Variants in KLRD1 observed in about 807,000 individuals in gnomAD.
KLRD1 encodes natural killer cells antigen CD94.
A neutral mutation model predicts 22.6 loss-of-function variants in KLRD1; 21 were observed. That is an observed-to-expected ratio of 0.93 (90% CI 0.66 to 1.34). The LOEUF is 1.34. Among genes scored for constraint, KLRD1 ranks in the 40% most tolerant of loss-of-function variants. The pLI is 0.00. For synonymous variants in KLRD1, 59 were observed against 71.1 expected (o/e 0.83, Z 0.85); for missense variants, 183 against 208.6 (o/e 0.88, Z 0.76).
rs957313671 is a variant in KLRD1, at chr12:10,327,275, A to G, written c.*12482A>G. On this transcript the variant is annotated 3_prime_UTR_variant, in exon 6 of 6. Coordinates refer to ENST00000336164, the MANE Select transcript of KLRD1 (RefSeq NM_002262.5). ...ATATGTTCATCTTTATGCCAGTGCC[A>G]TATTGTTTCAATTATTGTAGCTTTG... The G allele has an allele frequency of 6.6e-6, 1 of 152,192 alleles. No individual in the cohort carries two copies. The highest frequency in any genetic ancestry group is 2.4e-5 in the African/African-American group (1 of 41,460). The allele number at this position is 152,192 out of a possible 1,614,324, so 9.4% of individuals were successfully genotyped here.
chr12:10,274,652 G>C (rs544741182), intron 1 of KLRD1, among the ~76,000 whole-genome samples: 2 of 152,122 alleles, frequency 1.3e-5, no homozygotes, highest in East Asian at 3.9e-4. Context: ...CTTCAGAAAT[G>C]TCATTCAATT....
At chr12:10,250,243 A>ACTT (rs1555100556) in intron 1 of KLRD1, among the ~76,000 whole-genome samples, 1 of 130,386 alleles carries the variant, frequency 7.7e-6, no homozygotes, top group Non-Finnish European at 1.6e-5. Context: ...GGCTGTTATG[A>ACTT]GTGCTGGAAA....
At chr12:10,248,553 C>CCTTCCTTCCTTT (rs1274001733) in intron 1 of KLRD1, among the ~76,000 whole-genome samples, 2 of 142,364 alleles carry the variant, frequency 1.4e-5, no homozygotes, top group Non-Finnish European at 3.1e-5. Flanking sequence ...TTCCTTCCTT[C>CCTTCCTTCCTTT]CTTCCTTCCT....
In KLRD1 at chr12:10,317,520, A is replaced by C. The variant is rs750762432; in HGVS notation, c.*2727A>C. The C allele has an allele frequency of 1.3e-5, 2 of 152,184 alleles. No homozygotes were observed. Among genetic ancestry groups the C allele is most frequent in the Non-Finnish European group, 1.5e-5 (1 of 68,038 alleles). 9.4% of individuals were successfully genotyped at this position (152,184 alleles called of 1,614,324 possible). A position where few individuals can be genotyped will look rare whatever the true frequency, so the allele number is the denominator to read the frequency against. On this transcript the variant is annotated 3_prime_UTR_variant, in exon 6 of 6. Transcript: ENST00000336164. ...AAAGCCCTCTGCAGCATACAGCATA[A>C]ACACTATTCCATAAAATCCTAAGCA... is the stretch of plus-strand genomic sequence containing the variant.
rs1437415683 is a variant in KLRD1, at chr12:10,316,315, A to G, written c.*1522A>G. 1 of 152,168 alleles carries G rather than the reference A, an allele frequency of 6.6e-6. No homozygotes were observed. The highest frequency in any genetic ancestry group is 1.9e-4 in the East Asian group (1 of 5,192). The allele number at this position is 152,168 out of a possible 1,614,324, so 9.4% of individuals were successfully genotyped here. On this transcript the variant is annotated 3_prime_UTR_variant, in exon 6 of 6. Transcript: ENST00000336164. Reference sequence around the variant, plus strand: ...TGGTGTACCAATTAGAAACCACTTTAGAGTTATGCCTACTGTACCCACATA... The same window carrying G: ...TGGTGTACCAATTAGAAACCACTTTGGAGTTATGCCTACTGTACCCACATA...
At chr12:10,264,129 C>A (rs117247210) in intron 1 of KLRD1, among the ~76,000 whole-genome samples, 1 of 152,008 alleles carries the variant, frequency 6.6e-6, no homozygotes, top group Non-Finnish European at 1.5e-5. Flanking sequence ...TTAGCATTTC[C>A]TCCTCTATTT....
intron 1 of KLRD1, among the ~76,000 whole-genome samples, chr12:10,298,279 A>T (rs1379842826): frequency 6.6e-6 from 1 of 152,242 alleles, no homozygotes; most frequent in Non-Finnish European, 1.5e-5. Context: ...GTTTGTGGTG[A>T]TTGATACAAA....
chr12:10,298,917 T>TTC (rs1949844370), intron 1 of KLRD1, among the ~76,000 whole-genome samples: 1 of 152,192 alleles, frequency 6.6e-6, no homozygotes, highest in Admixed American at 6.6e-5. Context: ...CAGGCCATAT[T>TTC]TCTGTGTGTG....
Position 10,254,693 on chromosome 12 carries a change from A to C in KLRD1, c.-101+28460A>C, listed in dbSNP as rs560689209. On this transcript the variant is annotated intron_variant, in intron 1 of 5. Coordinates refer to the KLRD1 transcript ENST00000544747. ...CACCTGAGGTTAGGAGTTTGAGACC[A>C]GCCTGGTCAACATGGTGAAACCCTG... is the stretch of plus-strand genomic sequence containing the variant. Among the ~76,000 whole-genome samples the C allele has an allele frequency of 4.6e-4, 70 of 152,222 alleles. 1 individual carries two copies. The highest frequency in any genetic ancestry group is 1.7e-3 in the African/African-American group (69 of 41,530).
intron 1 of KLRD1, among the ~76,000 whole-genome samples, chr12:10,284,444 A>G (rs78534832): frequency 0.071 from 10,793 of 152,222 alleles, 438 homozygotes; most frequent in East Asian, 0.17. Flanking sequence ...TTCTTTATCC[A>G]TAAGGCTAAA....
At chr12:10,267,193 A>G (rs566831886) in intron 1 of KLRD1, among the ~76,000 whole-genome samples, 92 of 151,550 alleles carry the variant, frequency 6.1e-4, no homozygotes, top group African/African-American at 1.9e-3. Context: ...ATAGTTTACA[A>G]TGAACTGATT....
intron 1 of KLRD1, among the ~76,000 whole-genome samples, chr12:10,297,017 A>G (rs1164405536): frequency 6.6e-6 from 1 of 152,190 alleles, no homozygotes. Flanking sequence ...TGATCTGCCC[A>G]ATGCAATTCA....
At chr12:10,269,190 G>A (rs951674822) in intron 1 of KLRD1, among the ~76,000 whole-genome samples, 4 of 151,632 alleles carry the variant, frequency 2.6e-5, no homozygotes, top group African/African-American at 4.8e-5. Context: ...TCACTTTGCC[G>A]CCCCGGCTGG....
chr12:10,281,064 A>C (rs748626951), intron 1 of KLRD1, among the ~76,000 whole-genome samples: 32 of 152,188 alleles, frequency 2.1e-4, no homozygotes, highest in Non-Finnish European at 4.1e-4. Flanking sequence ...AGAAGTGAGA[A>C]GAGATTGAGG....
At position 10,315,021 on chromosome 12, in the gene KLRD1, C is replaced by A; in HGVS notation, c.*228C>A. 2 of 323,144 alleles carry A rather than the reference C, an allele frequency of 6.2e-6. No individual in the cohort carries two copies. The highest frequency in any genetic ancestry group is 5.8e-5 in the Admixed American group (1 of 17,174). The allele number at this position is 323,144 out of a possible 1,614,324, so 20.0% of individuals were successfully genotyped here. ...ATTAACATAAAGAATTTTGTATTTT[C>A]ATTTAATGTATATATTTAATGTTAA... On this transcript the variant is annotated 3_prime_UTR_variant, in exon 6 of 6. Coordinates refer to ENST00000336164, the MANE Select transcript of KLRD1 (RefSeq NM_002262.5).
At chr12:10,309,862 C>T (rs1269679457) in intron 3 of KLRD1, among the ~76,000 whole-genome samples, 174 bp downstream of exon 3, 1 of 152,180 alleles carries the variant, frequency 6.6e-6, no homozygotes, top group Non-Finnish European at 1.5e-5. Flanking sequence ...GATTAAATTA[C>T]ACTGAATGTG....
intron 1 of KLRD1, among the ~76,000 whole-genome samples, chr12:10,247,837 G>GT (rs368684573): frequency 0.015 from 2,249 of 152,156 alleles, 57 homozygotes; most frequent in African/African-American, 0.051. Flanking sequence ...GAAGAGGGAC[G>GT]TATTTGCTTC....
intron 1 of KLRD1, among the ~76,000 whole-genome samples, chr12:10,258,151 C>T (rs1025300684): frequency 1.3e-5 from 2 of 152,124 alleles, no homozygotes; most frequent in African/African-American, 4.8e-5. Flanking sequence ...TCAGTTTTTC[C>T]TTACTTACCC....
At chr12:10,290,360 T>C (rs1949756065) in intron 1 of KLRD1, among the ~76,000 whole-genome samples, 1 of 152,208 alleles carries the variant, frequency 6.6e-6, no homozygotes, top group Non-Finnish European at 1.5e-5. Context: ...ATGGATAGAA[T>C]GACCAATAGG....
Sources: allele counts gnomAD v4.1 joint callset (sites outside exome capture counted in the v4.1 genomes callset), GRCh38; gene constraint gnomAD v4.1.1; transcripts MANE v1.5; gene names NCBI Gene and HGNC (gene_info 2026-07-23, HGNC 2026-07-21).